SCN11A: variants seen among roughly 807,000 people sequenced by gnomAD.
SCN11A encodes sodium channel protein type 11 subunit alpha.
In SCN11A, 122 loss-of-function variants were observed where a neutral mutation model predicts 162.2. The ratio of observed to expected loss-of-function variants is 0.75; its 90% CI spans 0.65 to 0.87. The LOEUF (loss-of-function observed/expected upper bound fraction) is 0.87. SCN11A is among the 40% of genes least tolerant of loss of function. The pLI is 0.00. For missense variants in SCN11A, 2,015 were observed against 2,181.6 expected (o/e 0.92, Z 1.52); for synonymous variants, 758 against 751.5 (o/e 1.01, Z -0.14).
chr3:38,905,344 C>G (rs759246683), intron 14 of SCN11A, 23 bp from the exon 15 acceptor site: 7 of 1,604,590 alleles, frequency 4.4e-6, no homozygotes, highest in Admixed American at 3.4e-5. Flanking sequence ...GCATAGGGCA[C>G]CTTCTAAAGA....
intron 16 of SCN11A, among the ~76,000 whole-genome samples, chr3:38,902,885 A>T (rs1295901431): frequency 6.6e-6 from 1 of 151,008 alleles, no homozygotes; most frequent in Admixed American, 6.6e-5. Context: ...AAAAAAAAAA[A>T]TGCCAAAAAA....
chr3:38,932,877 C>T (rs1367738440), intron 7 of SCN11A, among the ~76,000 whole-genome samples: 1 of 152,200 alleles, frequency 6.6e-6, no homozygotes, highest in African/African-American at 2.4e-5. Flanking sequence ...CAGTGGTTCT[C>T]CCAGCACCCA....
At chr3:38,879,065 A>G (rs988935823) in intron 23 of SCN11A, among the ~76,000 whole-genome samples, 1 of 152,148 alleles carries the variant, frequency 6.6e-6, no homozygotes, top group African/African-American at 2.4e-5. Context: ...TAAACATAAA[A>G]TTAATCTTAA....
At chr3:38,864,434 G>A (rs777251752) in intron 27 of SCN11A, among the ~76,000 whole-genome samples, 10 of 152,146 alleles carry the variant, frequency 6.6e-5, no homozygotes, top group Non-Finnish European at 1.2e-4. Flanking sequence ...GTGTGTATGT[G>A]TGTTGTGAGA....
intron 2 of SCN11A, among the ~76,000 whole-genome samples, chr3:39,031,541 A>C (rs1221203335): frequency 6.8e-6 from 1 of 146,580 alleles, no homozygotes; most frequent in African/African-American, 2.7e-5. Flanking sequence ...AAACAAACAA[A>C]CAAAAAAAAA....
intron 2 of SCN11A, among the ~76,000 whole-genome samples, chr3:38,979,686 T>A (rs1025539417): frequency 2.0e-5 from 3 of 152,186 alleles, no homozygotes; most frequent in African/African-American, 7.2e-5. Flanking sequence ...TTCTCCAAAG[T>A]CTCTCTATCT....
intron 7 of SCN11A, among the ~76,000 whole-genome samples, chr3:38,944,207 G>T (rs1265273081): frequency 6.6e-6 from 1 of 152,188 alleles, no homozygotes; most frequent in Admixed American, 6.5e-5. Context: ...TAGCAAGAAT[G>T]TGATATAATT....
rs749020471 is a variant in SCN11A at position 38,950,123 on chromosome 3, G to C, written c.240C>G (p.Asp80Glu). The C allele has an allele frequency of 3.8e-6, 6 of 1,580,918 alleles. No individual in the cohort carries two copies. The highest frequency in any genetic ancestry group is 5.1e-6 in the Non-Finnish European group (6 of 1,166,582). Reference protein sequence around the residue: ...PRELIGKPLEDLDPFYRNHKT... With the variant: ...PRELIGKPLEELDPFYRNHKT... ...TATGATTTCGGTAGAATGGGTCCAA[G>C]TCTTCCAGAGGCTTTCCTATGAGCT... The change falls in exon 5 of 30, where the codon GAC becomes GAG. Residue 80 changes from aspartate to glutamate, a missense_variant. Physicochemically the swap from Asp to Glu is conservative, Grantham distance 45. Coordinates refer to ENST00000302328, the MANE Select transcript of SCN11A (RefSeq NM_001349253.2).
intron 28 of SCN11A, among the ~76,000 whole-genome samples, chr3:38,860,315 T>C (rs1575214951): frequency 6.6e-6 from 1 of 152,206 alleles, no homozygotes; most frequent in East Asian, 1.9e-4. Flanking sequence ...AAATTGGCTC[T>C]GACTAGGCAG....
At chr3:38,864,340 G>T (rs1383407762) in intron 27 of SCN11A, among the ~76,000 whole-genome samples, 1 of 152,114 alleles carries the variant, frequency 6.6e-6, no homozygotes, top group Non-Finnish European at 1.5e-5. Context: ...TAATCAAGTT[G>T]TTCTGGGATG....
chr3:39,038,747 A>T (rs898136275), intron 1 of SCN11A, among the ~76,000 whole-genome samples: 6 of 152,218 alleles, frequency 3.9e-5, no homozygotes, highest in Admixed American at 2.6e-4. Context: ...ATACTTATGG[A>T]CTAAATAATG....
chr3:38,975,436 G>A (rs1439389557), intron 2 of SCN11A, among the ~76,000 whole-genome samples: 1 of 152,156 alleles, frequency 6.6e-6, no homozygotes, highest in Non-Finnish European at 1.5e-5. Context: ...TAAAATATGG[G>A]ATAACAAAAG....
intron 5 of SCN11A, 150 bp from the exon 6 acceptor site, chr3:38,947,057 C>G (rs985960861): frequency 1.7e-6 from 1 of 590,134 alleles, no homozygotes; most frequent in African/African-American, 1.9e-5. Context: ...TGGGATACTC[C>G]AGAAGAATCA....
intron 2 of SCN11A, among the ~76,000 whole-genome samples, chr3:38,964,359 C>T (rs1211063014): frequency 6.6e-6 from 1 of 152,164 alleles, no homozygotes; most frequent in Non-Finnish European, 1.5e-5. Flanking sequence ...GCAAAGATGA[C>T]ATTGAGCCGC....
intron 24 of SCN11A, 84 bp from the exon 25 acceptor site, chr3:38,871,792 G>T: frequency 8.8e-7 from 1 of 1,131,064 alleles, no homozygotes; most frequent in Non-Finnish European, 1.3e-6. Flanking sequence ...GGCCTGATGT[G>T]CAGGGCTTGA....
At chr3:38,921,342 GA>G in intron 9 of SCN11A, 87 bp from the exon 10 acceptor site, 1 of 1,285,324 alleles carries the variant, frequency 7.8e-7, no homozygotes. Context: ...TGAAGTCTCG[GA>G]AACTGTCAAA....
chr3:39,009,393 T>G (rs979116290), intron 2 of SCN11A, among the ~76,000 whole-genome samples: 1 of 151,458 alleles, frequency 6.6e-6, no homozygotes, highest in Non-Finnish European at 1.5e-5. Flanking sequence ...AAATAAAAAG[T>G]GCATATATAT....
intron 2 of SCN11A, among the ~76,000 whole-genome samples, chr3:39,020,861 T>A (rs921953915): frequency 2.0e-5 from 3 of 152,168 alleles, no homozygotes; most frequent in Non-Finnish European, 4.4e-5. Context: ...TTTCATATTA[T>A]AATCAACTGG....
intron 29 of SCN11A, among the ~76,000 whole-genome samples, chr3:38,848,800 G>A (rs767544584): frequency 6.6e-6 from 1 of 152,062 alleles, no homozygotes; most frequent in African/African-American, 2.4e-5. Context: ...ACTTTAAGAC[G>A]AGTAAGCCGT....
Sources: gnomAD v4.1 joint callset for allele counts (sites outside exome capture counted in the v4.1 genomes callset) on GRCh38, gnomAD v4.1.1 for gene constraint, MANE v1.5 for transcripts, NCBI Gene and HGNC (gene_info 2026-07-23, HGNC 2026-07-21) for gene names.